Variants in MEGF6 observed in about 807,000 individuals in gnomAD.
The protein encoded by MEGF6 is multiple epidermal growth factor-like domains protein 6.
Under a neutral mutation model 207.1 loss-of-function variants are expected in MEGF6, and 184 were observed. The observed-to-expected ratio is 0.89, with a 90% confidence interval of 0.79 to 1.00. MEGF6 has a LOEUF of 1.00. MEGF6 is among the 50% of genes least tolerant of loss of function. MEGF6 has a pLI of 0.00. For missense variants in MEGF6, 2,282 were observed against 2,202.9 expected, an observed-to-expected ratio of 1.04 and a Z score of -0.72; for synonymous variants, 1,038 against 910.0, an observed-to-expected ratio of 1.14 and a Z score of -2.53.
chr1:3,593,011 C>T (rs1557803716), intron 3 of MEGF6, among the ~76,000 whole-genome samples: 1 of 152,146 alleles, frequency 6.6e-6, no homozygotes, highest in Non-Finnish European at 1.5e-5. Flanking sequence ...CTCCACCCCA[C>T]TCCGGCCAGC....
At chr1:3,602,887 C>G (rs572893966) in intron 1 of MEGF6, among the ~76,000 whole-genome samples, 2 of 152,342 alleles carry the variant, frequency 1.3e-5, no homozygotes, top group African/African-American at 2.4e-5. Flanking sequence ...CCACCAACGA[C>G]GCTGCCTCAA....
intron 4 of MEGF6, among the ~76,000 whole-genome samples, chr1:3,571,843 C>G (rs1643505916): frequency 6.8e-6 from 1 of 147,532 alleles, no homozygotes; most frequent in Non-Finnish European, 1.5e-5. Flanking sequence ...CTAGGTCCTC[C>G]TGGGTGTGCT....
rs576198753 is a variant in MEGF6 at position 3,494,201 on chromosome 1, C to T, written c.4130-77G>A. The T allele has an allele frequency of 6.4e-5, 96 of 1,504,838 alleles. 3 individuals are homozygous for T. In the South Asian group the frequency reaches 1.1e-3, roughly 17 times the overall value. 93.2% of individuals were successfully genotyped at this position (1,504,838 alleles called of 1,614,324 possible). On this transcript the variant is annotated intron_variant, in intron 32 of 36. Coordinates refer to ENST00000356575, the MANE Select transcript of MEGF6 (RefSeq NM_001409.4). ...CAGTTTGCCCAGAGTGAGTAAAACC[C>T]GCCAATCCAGGGGCCCGAGAAAAGC...
At chr1:3,590,257 C>T (rs1643954440) in intron 3 of MEGF6, among the ~76,000 whole-genome samples, 1 of 152,218 alleles carries the variant, frequency 6.6e-6, no homozygotes, top group Non-Finnish European at 1.5e-5. Context: ...GGGAGCCCGG[C>T]TTGGAGGAGG....
the MEGF6 span, among the ~76,000 whole-genome samples, chr1:3,619,856 C>A: frequency 6.6e-5 from 10 of 152,230 alleles, no homozygotes; most frequent in African/African-American, 1.9e-4. Context: ...GGGTAATGGG[C>A]AGAGGTTGGA....
In MEGF6 at chr1:3,595,094, C is replaced by T. The variant is rs554733599; in HGVS notation, c.376+244G>A. On this transcript the variant is annotated intron_variant, in intron 3 of 36. Coordinates refer to ENST00000356575, the MANE Select transcript of MEGF6 (RefSeq NM_001409.4). Reference sequence around the variant, plus strand: ...CTGCCAATGGCAGGCTCCTGTCCTCCGGCAGAGCCAGCAAAGTGGACTGAC... The same window carrying T: ...CTGCCAATGGCAGGCTCCTGTCCTCTGGCAGAGCCAGCAAAGTGGACTGAC... 9.2e-5 allele frequency among the ~76,000 whole-genome samples: 14 copies of T among 152,334 alleles called. No individual in the cohort carries two copies. The South Asian group carries it at 2.7e-3, about 29-fold the overall frequency.
chr1:3,539,911 T>G (rs1378549000), intron 4 of MEGF6, among the ~76,000 whole-genome samples: 1 of 152,194 alleles, frequency 6.6e-6, no homozygotes, highest in African/African-American at 2.4e-5. Flanking sequence ...GTCTGAGGAC[T>G]GCAGCCTGCG....
chr1:3,559,522 TAA>T (rs59799522), intron 4 of MEGF6, among the ~76,000 whole-genome samples: 2,877 of 105,402 alleles, frequency 0.027, 112 homozygotes, highest in African/African-American at 0.092. Flanking sequence ...CCTTGTCTCT[TAA>T]AAAAAAAAAA....
Position 3,565,504 on chromosome 1 carries a change from G to A in MEGF6, c.481+14321C>T, listed in dbSNP as rs1643318388. 6.6e-6 allele frequency among the ~76,000 whole-genome samples: 1 copy of A among 152,200 alleles called. No homozygotes were observed. Among genetic ancestry groups the A allele is most frequent in the South Asian group, 2.1e-4 (1 of 4,832 alleles). On this transcript the variant is annotated intron_variant, in intron 4 of 36. Coordinates refer to ENST00000356575, the MANE Select transcript of MEGF6 (RefSeq NM_001409.4). The surrounding 1 kb of genome is among the most constrained non-coding windows in gnomAD (Gnocchi z 4.8). ...GCCCCTTCCAAGAGGGGTCCAGGGAGCAGGACCAGGAGCCTATCGGTGCCT... is the reference window on the plus strand; with the variant it reads ...GCCCCTTCCAAGAGGGGTCCAGGGAACAGGACCAGGAGCCTATCGGTGCCT...
intron 5 of MEGF6, among the ~76,000 whole-genome samples, chr1:3,516,201 A>G (rs1357317644): frequency 6.6e-6 from 1 of 152,156 alleles, no homozygotes; most frequent in Non-Finnish European, 1.5e-5. Flanking sequence ...GGGTGCCTGT[A>G]CCCCGTGGAT....
In MEGF6 at chr1:3,506,127, G is replaced by A. The variant is rs199990831; in HGVS notation, c.1899C>T (p.Tyr633=). The A allele has an allele frequency of 1.2e-4, 195 of 1,596,188 alleles. No individual in the cohort carries two copies. Among genetic ancestry groups the A allele is most frequent in the Non-Finnish European group, 1.4e-4 (169 of 1,172,120 alleles). ...ACTCACTGAGGTGGCAGAAGCGGCC[G>A]TAGAGCCCTGGGTCGCAGAGGCAGG... is the stretch of plus-strand genomic sequence containing the variant. ...YGACLCDPGL[Y]GRFCHLTCPP... Residue 633 remains tyrosine (Y), a synonymous_variant, in exon 15 of 37, where the codon TAC becomes TAT. Coordinates refer to ENST00000356575, the MANE Select transcript of MEGF6 (RefSeq NM_001409.4).
chr1:3,587,060 T>C (rs1643903322), intron 3 of MEGF6, among the ~76,000 whole-genome samples: 1 of 152,268 alleles, frequency 6.6e-6, no homozygotes, highest in African/African-American at 2.4e-5. Flanking sequence ...TATAGCACCC[T>C]TGACATAAGT....
chr1:3,491,777 G>T (rs1395847500), intron 35 of MEGF6, among the ~76,000 whole-genome samples: 1 of 94,258 alleles, frequency 1.1e-5, no homozygotes, highest in East Asian at 3.0e-4. Flanking sequence ...TGCGGGGGTG[G>T]GGGGGGGGGT....
At chr1:3,622,431 C>G in the MEGF6 span, among the ~76,000 whole-genome samples, 1 of 152,176 alleles carries the variant, frequency 6.6e-6, no homozygotes, top group East Asian at 1.9e-4. Context: ...TCAATGAAAC[C>G]TCTTTTCTTT....
upstream of MEGF6, among the ~76,000 whole-genome samples, chr1:3,612,343 G>C (rs562338985): frequency 1.3e-5 from 2 of 151,458 alleles, no homozygotes; most frequent in Admixed American, 6.6e-5. Context: ...CCCATGGGCA[G>C]AGAGGCACTG....
At chr1:3,507,600 T>A (rs570157822) in intron 14 of MEGF6, among the ~76,000 whole-genome samples, 195 bp downstream of exon 14, 17 of 152,308 alleles carry the variant, frequency 1.1e-4, no homozygotes, top group Admixed American at 6.5e-4. Context: ...TTCAAGGGCC[T>A]CATTCTCTCT....
At chr1:3,518,866 C>T (rs1448448693) in intron 5 of MEGF6, among the ~76,000 whole-genome samples, 1 of 152,152 alleles carries the variant, frequency 6.6e-6, no homozygotes, top group Non-Finnish European at 1.5e-5. Flanking sequence ...TCCCCCAGCT[C>T]CCCTCCAGGC....
At chr1:3,608,179 C>T (rs531020104) in intron 1 of MEGF6, among the ~76,000 whole-genome samples, 3 of 152,242 alleles carry the variant, frequency 2.0e-5, no homozygotes, top group Admixed American at 1.3e-4. Flanking sequence ...AGCCAGCATG[C>T]GGGGAATCTC....
intron 1 of MEGF6, among the ~76,000 whole-genome samples, chr1:3,608,373 C>T (rs892321326): frequency 6.6e-6 from 1 of 152,138 alleles, no homozygotes; most frequent in Non-Finnish European, 1.5e-5. Context: ...TAAGGGGAGG[C>T]TGAGAACAGC....
Sources: gnomAD v4.1 joint callset for allele counts (sites outside exome capture counted in the v4.1 genomes callset) on GRCh38, gnomAD v4.1.1 for gene constraint, Gnocchi (gnomAD v3.1) non-coding constraint, MANE v1.5 for transcripts, NCBI Gene and HGNC (gene_info 2026-07-23, HGNC 2026-07-21) for gene names.